The following SUSD4 variants were observed in gnomAD, a reference collection of about 807,000 sequenced individuals.
The protein encoded by SUSD4 is sushi domain-containing protein 4.
In SUSD4, 41 loss-of-function variants were observed where a neutral mutation model predicts 50.5. The ratio of observed to expected loss-of-function variants is 0.81; its 90% CI spans 0.63 to 1.05. The LOEUF (loss-of-function observed/expected upper bound fraction) is 1.05. Ranked by LOEUF, SUSD4 falls within the 50% of genes least tolerant of loss-of-function variation. The probability of loss-of-function intolerance (pLI) is 0.00; values close to 1 mark genes in which losing one functional copy is unlikely to be tolerated. For missense variants in SUSD4, 580 were observed against 634.7 expected (o/e 0.91, Z 0.93); for synonymous variants, 257 against 257.3 (o/e 1.00, Z 0.01).
At chr1:223,342,766 C>A (rs940597459) in intron 2 of SUSD4, among the ~76,000 whole-genome samples, 1 of 152,072 alleles carries the variant, frequency 6.6e-6, no homozygotes, top group Non-Finnish European at 1.5e-5. Context: ...TTAAGTATAA[C>A]AAATAAAATA....
intron 2 of SUSD4, among the ~76,000 whole-genome samples, chr1:223,327,564 G>A (rs1237753988): frequency 6.6e-6 from 1 of 152,148 alleles, no homozygotes; most frequent in Non-Finnish European, 1.5e-5. Flanking sequence ...TGCCATGCTT[G>A]GGGCCACAAG....
chr1:223,291,153 T>C (rs1464527409), intron 3 of SUSD4, among the ~76,000 whole-genome samples: 1 of 152,192 alleles, frequency 6.6e-6, no homozygotes, highest in African/African-American at 2.4e-5. Flanking sequence ...CCATCTTATC[T>C]ATCCTTTACA....
At chr1:223,296,122 T>G (rs1365930571) in intron 2 of SUSD4, among the ~76,000 whole-genome samples, 2 of 152,074 alleles carry the variant, frequency 1.3e-5, no homozygotes, top group Non-Finnish European at 2.9e-5. Flanking sequence ...GGCAGGCATT[T>G]GAGAACTGTG....
chr1:223,221,561 TCTTTC>T lies in SUSD4; in HGVS notation c.*626_*630del. The T allele has an allele frequency of 6.4e-6, 1 of 155,882 alleles. No homozygotes were observed. The highest frequency in any genetic ancestry group is 2.4e-5 in the African/African-American group (1 of 41,758). 9.7% of individuals were successfully genotyped at this position (155,882 alleles called of 1,614,324 possible). ...ATTTCCAGAAAGCAGAGTCTGCCCA[TCTTTC>T]CTTTCCTTTCTCACTGCAACTGCCA... On this transcript the variant is annotated 3_prime_UTR_variant, in exon 9 of 9. Coordinates refer to ENST00000366878, the MANE Select transcript of SUSD4 (RefSeq NM_017982.4).
rs1553291074 is a variant in SUSD4, at chr1:223,268,013, T to TATATATATATATATATATATATA, written c.535+488_535+489insTATATATATATATATATATATAT. 2.6e-3 allele frequency among the ~76,000 whole-genome samples: 137 copies of TATATATATATATATATATATATA among 53,176 alleles called. 12 individuals are homozygous for TATATATATATATATATATATATA. The highest frequency in any genetic ancestry group is 3.1e-3 in the South Asian group (4 of 1,304). 34.9% of individuals were successfully genotyped at this position (53,176 alleles called of 152,430 possible). On this transcript the variant is annotated intron_variant, in intron 4 of 8. Transcript: ENST00000366878. ...AATTTTTCTGCTCTTCATGCATTTT[T>TATATATATATATATATATATATA]TATATATATATATATATATATATAT...
chr1:223,291,417 G>A (rs825121), intron 3 of SUSD4, among the ~76,000 whole-genome samples: 8,124 of 147,072 alleles, frequency 0.055, 704 homozygotes, highest in African/African-American at 0.19. Context: ...CACTTGAGCC[G>A]AGTGGAGGTT....
At chr1:223,351,307 C>T (rs866371051) in intron 2 of SUSD4, among the ~76,000 whole-genome samples, 1 of 152,232 alleles carries the variant, frequency 6.6e-6, no homozygotes, top group Non-Finnish European at 1.5e-5. Context: ...GGGAGCACAA[C>T]ATCTAAAGTA....
chr1:223,342,705 T>A (rs1667824224), intron 2 of SUSD4, among the ~76,000 whole-genome samples: 1 of 152,218 alleles, frequency 6.6e-6, no homozygotes, highest in Non-Finnish European at 1.5e-5. Context: ...ACCATCTGGA[T>A]AAAAATTAAC....
intron 3 of SUSD4, among the ~76,000 whole-genome samples, chr1:223,269,055 C>G (rs1662726772): frequency 6.6e-6 from 1 of 152,230 alleles, no homozygotes; most frequent in Non-Finnish European, 1.5e-5. Context: ...GTGGACAGAA[C>G]AGAACACAGT....
chr1:223,329,937 G>T (rs1667087052), intron 2 of SUSD4, among the ~76,000 whole-genome samples: 1 of 152,194 alleles, frequency 6.6e-6, no homozygotes, highest in Non-Finnish European at 1.5e-5. Flanking sequence ...TGAATGAATG[G>T]ATGGATAAAT....
chr1:223,224,368 T>A (rs1659350443), intron 7 of SUSD4, among the ~76,000 whole-genome samples: 1 of 151,994 alleles, frequency 6.6e-6, no homozygotes, highest in Non-Finnish European at 1.5e-5. Context: ...CAAAAAACAG[T>A]AACTGTGGAC....
intron 5 of SUSD4, among the ~76,000 whole-genome samples, chr1:223,248,667 TG>T (rs1386299130): frequency 6.6e-6 from 1 of 152,186 alleles, no homozygotes; most frequent in Admixed American, 6.5e-5. Flanking sequence ...TGCTTGTTTG[TG>T]AGCAGGATGG....
rs768332969 is a variant in SUSD4 at position 223,223,494 on chromosome 1, T to G, written c.1199A>C (p.Gln400Pro). Residue 400 changes from glutamine (Q) to proline (P), a missense_variant, in exon 8 of 9, where the codon CAG becomes CCG. Physicochemically the swap from Gln to Pro is moderately conservative, Grantham distance 76 (BLOSUM62 -1). Coordinates refer to ENST00000366878, the MANE Select transcript of SUSD4 (RefSeq NM_017982.4). Reference sequence around the variant, plus strand: ...GTCGTCCACGGGTAAGGGGCAGCCCTGGCCCACAGAGGCCATGTACCCGGG... The same window carrying G: ...GTCGTCCACGGGTAAGGGGCAGCCCGGGCCCACAGAGGCCATGTACCCGGG... ...LGPGYMASVG[Q>P]GCPLPVDDQS... 6.2e-7 allele frequency: 1 copy of G among 1,613,536 alleles called. No homozygotes were observed. Among genetic ancestry groups the G allele is most frequent in the Admixed American group, 1.7e-5 (1 of 59,960 alleles).
intron 7 of SUSD4, among the ~76,000 whole-genome samples, chr1:223,225,618 C>T (rs1659467442): frequency 6.6e-6 from 1 of 152,230 alleles, no homozygotes; most frequent in Admixed American, 6.5e-5. Context: ...CTCCCTTCCT[C>T]TCCGGCCACT....
intron 3 of SUSD4, among the ~76,000 whole-genome samples, chr1:223,279,097 G>A (rs1663498315): frequency 6.6e-6 from 1 of 152,128 alleles, no homozygotes; most frequent in African/African-American, 2.4e-5. Flanking sequence ...AAGACCAAAG[G>A]TAGATAAAAC....
chr1:223,240,195 T>C (rs1433425196), intron 5 of SUSD4, among the ~76,000 whole-genome samples: 1 of 152,152 alleles, frequency 6.6e-6, no homozygotes, highest in Non-Finnish European at 1.5e-5. Context: ...TTTCCTTGGC[T>C]TCTTTCAGAA....
At position 223,353,387 on chromosome 1, in the gene SUSD4, ACT is replaced by A. The variant is rs376692393; in HGVS notation, c.148+9889_148+9890del. ...GTCTCCCTCCAGACGCTCAATAATA[ACT>A]CTGTTTTGTATTTACGAAATGCCTC... On this transcript the variant is annotated intron_variant, in intron 2 of 8. Transcript: ENST00000366878. Among the ~76,000 whole-genome samples the A allele has an allele frequency of 1.5e-3, 226 of 151,976 alleles. 1 individual carries two copies. The highest frequency in any genetic ancestry group is 5.2e-3 in the African/African-American group (217 of 41,424).
At chr1:223,284,037 C>T (rs1279080085) in intron 3 of SUSD4, among the ~76,000 whole-genome samples, 2 of 147,982 alleles carry the variant, frequency 1.4e-5, no homozygotes, top group Non-Finnish European at 1.5e-5. Context: ...ACAATGAGAA[C>T]ACGTGGACAC....
chr1:223,303,305 T>G (rs1665308307), intron 2 of SUSD4, among the ~76,000 whole-genome samples: 1 of 152,126 alleles, frequency 6.6e-6, no homozygotes, highest in South Asian at 2.1e-4. Context: ...GAAAATAATT[T>G]TAAAAAATAG....
Sources: gnomAD v4.1 joint callset for allele counts (sites outside exome capture counted in the v4.1 genomes callset) on GRCh38, gnomAD v4.1.1 for gene constraint, MANE v1.5 for transcripts, NCBI Gene and HGNC (gene_info 2026-07-23, HGNC 2026-07-21) for gene names.